LRRC56: variants seen among roughly 807,000 people sequenced by gnomAD.
LRRC56 encodes the protein leucine rich repeat containing 56.
Under a neutral mutation model 47.8 loss-of-function variants are expected in LRRC56, and 41 were observed. The observed-to-expected ratio is 0.86, with a 90% CI of 0.67 to 1.11. LRRC56 has a LOEUF of 1.11. Ranked by LOEUF, LRRC56 falls within the 50% of genes most tolerant of loss-of-function variation. The pLI is 0.00. For missense variants in LRRC56, 759 were observed against 704.2 expected, an observed-to-expected ratio of 1.08 and a Z score of -0.88; for synonymous variants, 387 against 311.2, an observed-to-expected ratio of 1.24 and a Z score of -2.56.
chr11:523,738 C>T, the LRRC56 span, among the ~76,000 whole-genome samples: 1 of 151,870 alleles, frequency 6.6e-6, no homozygotes, highest in Non-Finnish European at 1.5e-5. Context: ...CAAGACCAGC[C>T]TGGCCAATAT....
the LRRC56 span, among the ~76,000 whole-genome samples, chr11:510,368 G>A: frequency 4.0e-5 from 6 of 151,660 alleles, no homozygotes; most frequent in Admixed American, 6.6e-5. Context: ...TTGGGAGGCC[G>A]AGGCAGGCGG....
chr11:554,133 G>T lies in LRRC56; in HGVS notation c.1486G>T (p.Val496Leu). The T allele has an allele frequency of 6.2e-7, 1 of 1,602,958 alleles. No individual in the cohort carries two copies. Among genetic ancestry groups the T allele is most frequent in the Non-Finnish European group, 8.5e-7 (1 of 1,176,888 alleles). Residue 496 changes from valine (V) to leucine (L), a missense_variant, in exon 14 of 14, where the codon GTG (valine) becomes TTG (leucine). Val to Leu is a conservative substitution (Grantham distance 32). Transcript: ENST00000270115. ...TGGCCTGGGTGATGGGGTGGCTGCA[G>T]TGCCTGTCCTGAGAGCCCTGGAGGT... ...GPGLGDGVAA[V>L]PVLRALEVAS...
Position 550,994 on chromosome 11 carries a change from G to A in LRRC56, c.625-137G>A, listed in dbSNP as rs1475814360. 5 of 548,886 alleles carry A rather than the reference G, an allele frequency of 9.1e-6. No individual in the cohort carries two copies. In the East Asian group the frequency reaches 1.3e-4, roughly 14 times the overall value. The allele number at this position is 548,886 out of a possible 1,614,324, so 34.0% of individuals were successfully genotyped here. ...AGAGTGACCCAAGCCCACCCCTGCA[G>A]GGTAGGCAGCATCCCCACCTCTGGG... On this transcript the variant is annotated intron_variant, in intron 8 of 13. Coordinates refer to ENST00000270115, the MANE Select transcript of LRRC56 (RefSeq NM_198075.4).
chr11:533,839 G>A (rs749674880), upstream of LRRC56: 1 of 1,613,318 alleles, frequency 6.2e-7, no homozygotes, highest in Non-Finnish European at 8.5e-7. Context: ...TCCCCGGTGC[G>A]CATGTACTGG....
upstream of LRRC56, chr11:532,772 G>A (rs754150592): frequency 1.2e-6 from 2 of 1,610,894 alleles, no homozygotes; most frequent in Admixed American, 1.7e-5. Context: ...AAGGAGGGAT[G>A]GGATCAGGAG....
At chr11:516,664 C>T in the LRRC56 span, among the ~76,000 whole-genome samples, 2 of 151,942 alleles carry the variant, frequency 1.3e-5, no homozygotes, top group South Asian at 2.1e-4. Flanking sequence ...GACGGCCGGA[C>T]GTGGTGGCTC....
chr11:525,335 C>G, the LRRC56 span, among the ~76,000 whole-genome samples: 518 of 151,852 alleles, frequency 3.4e-3, 3 homozygotes, highest in Admixed American at 8.0e-3. Context: ...GTCAGGAGAT[C>G]GAGACCATCC....
At chr11:546,186 C>G (rs2134043792) in intron 6 of LRRC56, among the ~76,000 whole-genome samples, 2 of 152,284 alleles carry the variant, frequency 1.3e-5, no homozygotes, top group Middle Eastern at 6.8e-3. Context: ...AGGAGAGTCG[C>G]TGCAGTGAGC....
chr11:512,480 C>G, the LRRC56 span, among the ~76,000 whole-genome samples: 1 of 152,182 alleles, frequency 6.6e-6, no homozygotes, highest in African/African-American at 2.4e-5. Flanking sequence ...AATGATCTGC[C>G]TGCCTCGGCT....
Position 550,094 on chromosome 11 carries a change from A to G in LRRC56, c.446A>G (p.Asn149Ser), listed in dbSNP as rs748577534. ...ALKELYASYNNISDLSPLCLL... is the reference protein window; with the variant it reads ...ALKELYASYNSISDLSPLCLL... Reference sequence around the variant, plus strand: ...CAGGAACTCTACGCCTCCTACAACAACATCTCGGACCTGAGCCCACTGTGC... The same window carrying G: ...CAGGAACTCTACGCCTCCTACAACAGCATCTCGGACCTGAGCCCACTGTGC... The change falls in exon 8 of 14, where the codon AAC becomes AGC. Residue 149 changes from asparagine (N) to serine (S), a missense_variant. Physicochemically the swap from Asn to Ser is conservative, Grantham distance 46. Coordinates refer to ENST00000270115, the MANE Select transcript of LRRC56 (RefSeq NM_198075.4). 9 of 1,612,646 alleles carry G rather than the reference A, an allele frequency of 5.6e-6. No individual in the cohort carries two copies. The highest frequency in any genetic ancestry group is 7.6e-6 in the Non-Finnish European group (9 of 1,179,336).
At position 541,241 on chromosome 11, in the gene LRRC56, C is replaced by T. The variant is rs1388185393; in HGVS notation, c.178-296C>T. Among the ~76,000 whole-genome samples, 3 of 152,178 alleles carry T rather than the reference C, an allele frequency of 2.0e-5. No homozygotes were observed. Among genetic ancestry groups the T allele is most frequent in the African/African-American group, 4.8e-5 (2 of 41,446 alleles). ...TCAAAGCTCAGGGCAGGGCCCGGCGCGGTCCGGGCTCTGGGTGCCGGGTGT... is the reference window on the plus strand; with the variant it reads ...TCAAAGCTCAGGGCAGGGCCCGGCGTGGTCCGGGCTCTGGGTGCCGGGTGT... On this transcript the variant is annotated intron_variant, in intron 4 of 13. Transcript: ENST00000270115. This position sits in a 1 kb window ranked among gnomAD's most constrained non-coding sequence, Gnocchi z 4.1.
chr11:549,731 G>A (rs1852275229), intron 6 of LRRC56, among the ~76,000 whole-genome samples, 171 bp from the exon 7 acceptor site: 1 of 152,244 alleles, frequency 6.6e-6, no homozygotes, highest in Non-Finnish European at 1.5e-5. Flanking sequence ...AGAAGGTGGG[G>A]GACACTGTAC....
chr11:509,493 G>A, the LRRC56 span, among the ~76,000 whole-genome samples: 2 of 152,180 alleles, frequency 1.3e-5, no homozygotes, highest in Non-Finnish European at 2.9e-5. Flanking sequence ...TGGTGTCTGT[G>A]GCCGGGCCTC....
At chr11:525,304 C>G in the LRRC56 span, among the ~76,000 whole-genome samples, 1 of 151,740 alleles carries the variant, frequency 6.6e-6, no homozygotes, top group East Asian at 2.0e-4. Context: ...CTTTGGGAGG[C>G]CAAGGCGGGC....
At chr11:546,245 C>G (rs1852073086) in intron 6 of LRRC56, among the ~76,000 whole-genome samples, 2 of 151,628 alleles carry the variant, frequency 1.3e-5, no homozygotes, top group Non-Finnish European at 2.9e-5. Context: ...TACACTCCAG[C>G]CGGGGCAACA....
intron 6 of LRRC56, among the ~76,000 whole-genome samples, chr11:547,574 G>A (rs919266002): frequency 2.2e-4 from 33 of 150,860 alleles, no homozygotes; most frequent in African/African-American, 7.8e-4. Flanking sequence ...GGATGGTCTC[G>A]ATCTCCTGAC....
intron 13 of LRRC56, 41 bp downstream of exon 13, chr11:552,743 A>T: frequency 6.4e-7 from 1 of 1,554,750 alleles, no homozygotes; most frequent in South Asian, 1.2e-5. Flanking sequence ...CCTGGGAGTG[A>T]CCAACACCCC....
At chr11:507,884 G>A in the LRRC56 span, among the ~76,000 whole-genome samples, 1 of 152,236 alleles carries the variant, frequency 6.6e-6, no homozygotes, top group African/African-American at 2.4e-5. Flanking sequence ...GCCTCGTCCC[G>A]AGTGTTCTGA....
the LRRC56 span, among the ~76,000 whole-genome samples, chr11:522,351 T>C: frequency 7.9e-5 from 12 of 151,946 alleles, no homozygotes; most frequent in East Asian, 2.2e-3. Context: ...CTGCAAGCTC[T>C]GCCTCCCGGG....
Sources: gnomAD v4.1 joint callset for allele counts (sites outside exome capture counted in the v4.1 genomes callset) on GRCh38, gnomAD v4.1.1 for gene constraint, Gnocchi (gnomAD v3.1) non-coding constraint, MANE v1.5 for transcripts, NCBI Gene and HGNC (gene_info 2026-07-23, HGNC 2026-07-21) for gene names.